Variants in CREB1 observed in about 807,000 individuals in gnomAD.
CREB1 encodes cAMP responsive element binding protein 1.
In CREB1, 2 loss-of-function variants were observed where a neutral mutation model predicts 42.0. The observed-to-expected ratio is 0.05, with a 90% CI of 0.02 to 0.15. CREB1 has a LOEUF of 0.15. CREB1 is among the 10% of genes least tolerant of loss of function. CREB1 has a pLI of 1.00. For synonymous variants in CREB1, 123 were observed against 139.9 expected (o/e 0.88, Z 0.85); for missense variants, 199 against 388.9 (o/e 0.51, Z 4.11).
At chr2:207,589,005 A>G (rs1057139390) in intron 7 of CREB1, among the ~76,000 whole-genome samples, 4 of 151,972 alleles carry the variant, frequency 2.6e-5, no homozygotes, top group South Asian at 2.1e-4. Context: ...CCTTATTGCA[A>G]TGTCTAGGAC....
intron 1 of CREB1, among the ~76,000 whole-genome samples, chr2:207,538,014 C>G (rs1001871592): frequency 6.6e-6 from 1 of 152,026 alleles, no homozygotes; most frequent in African/African-American, 2.4e-5. Context: ...ATACACATAG[C>G]CTGAAGGTAA....
Position 207,603,098 on chromosome 2 carries a change from ATAAC to A in CREB1, c.*6043_*6046del, listed in dbSNP as rs1169659140. 30 of 211,010 alleles carry A rather than the reference ATAAC, an allele frequency of 1.4e-4. No homozygotes were observed. The highest frequency in any genetic ancestry group is 2.1e-4 in the Non-Finnish European group (22 of 104,134). 13.1% of individuals were successfully genotyped at this position (211,010 alleles called of 1,614,324 possible). On this transcript the variant is annotated 3_prime_UTR_variant, in exon 8 of 8. Coordinates refer to ENST00000353267, the MANE Select transcript of CREB1 (RefSeq NM_004379.5). ...TCTATTGGAGTTGAATACTAAATAA[ATAAC>A]TATAATGAGGGAAATACATTTCTAA...
At chr2:207,584,494 C>T (rs2083463381) in intron 7 of CREB1, among the ~76,000 whole-genome samples, 1 of 152,158 alleles carries the variant, frequency 6.6e-6, no homozygotes, top group South Asian at 2.1e-4. Flanking sequence ...ACCTCTGCCT[C>T]CTGGGTTCAA....
intron 7 of CREB1, among the ~76,000 whole-genome samples, chr2:207,583,403 TGTTTAA>T (rs1417967504): frequency 1.3e-5 from 2 of 152,256 alleles, no homozygotes. Flanking sequence ...CTTATATGTT[TGTTTAA>T]ATCTACTATA....
Position 207,543,458 on chromosome 2 carries a change from C to T in CREB1, c.-8-12170C>T, listed in dbSNP as rs556824032. On this transcript the variant is annotated intron_variant, in intron 1 of 7. Coordinates refer to ENST00000353267, the MANE Select transcript of CREB1 (RefSeq NM_004379.5). ...TGAGTAGTCATTCCTTCATTTTTTA[C>T]AAATAAGCTGAGTCGTGGAGAATTT... is the stretch of plus-strand genomic sequence containing the variant. 3.3e-5 allele frequency among the ~76,000 whole-genome samples: 5 copies of T among 152,156 alleles called. No individual in the cohort carries two copies. The South Asian group carries it at 1.0e-3, about 32-fold the overall frequency.
chr2:207,592,002 T>C (rs1249493773), intron 7 of CREB1, among the ~76,000 whole-genome samples: 4 of 152,222 alleles, frequency 2.6e-5, no homozygotes, highest in African/African-American at 9.6e-5. Flanking sequence ...CCTCAAAAAC[T>C]CTTTTTTACA....
intron 5 of CREB1, among the ~76,000 whole-genome samples, chr2:207,571,064 AT>A (rs1203086321): frequency 6.1e-5 from 2 of 32,918 alleles, no homozygotes; most frequent in East Asian, 1.7e-3. Context: ...TCATTCAGTG[AT>A]TTTTTTCATT....
In CREB1 at chr2:207,560,392, T is replaced by C. The variant is rs1435903492; in HGVS notation, c.261+20T>C. On this transcript the variant is annotated intron_variant, in intron 3 of 7. Transcript: ENST00000353267. Reference sequence around the variant, plus strand: ...GTTCAGGTATGTGTATAAAAAGTTCTGCATCTATTTTAATAACTTTTGTTT... The same window carrying C: ...GTTCAGGTATGTGTATAAAAAGTTCCGCATCTATTTTAATAACTTTTGTTT... 6.3e-7 allele frequency: 1 copy of C among 1,599,208 alleles called. No homozygotes were observed. Among genetic ancestry groups the C allele is most frequent in the East Asian group, 2.2e-5 (1 of 44,694 alleles).
chr2:207,589,670 G>A (rs1194288381), intron 7 of CREB1, among the ~76,000 whole-genome samples: 2 of 152,090 alleles, frequency 1.3e-5, no homozygotes, highest in African/African-American at 4.8e-5. Flanking sequence ...ATCATAAATT[G>A]TTGTTTAATC....
intron 1 of CREB1, among the ~76,000 whole-genome samples, chr2:207,537,843 G>T (rs1436601377): frequency 5.9e-5 from 9 of 152,032 alleles, no homozygotes; most frequent in Non-Finnish European, 1.3e-4. Flanking sequence ...ATGAAGATAG[G>T]TTTTACAGGT....
intron 7 of CREB1, among the ~76,000 whole-genome samples, chr2:207,589,211 G>A (rs2084498771): frequency 1.3e-5 from 2 of 152,126 alleles, no homozygotes; most frequent in African/African-American, 4.8e-5. Flanking sequence ...CTAAAATGAA[G>A]GTGTCAGCAG....
intron 3 of CREB1, among the ~76,000 whole-genome samples, chr2:207,560,788 A>C (rs982936800): frequency 6.6e-6 from 1 of 152,238 alleles, no homozygotes; most frequent in Non-Finnish European, 1.5e-5. Context: ...ATTTGACCTT[A>C]GAGATTACAT....
intron 1 of CREB1, among the ~76,000 whole-genome samples, chr2:207,537,532 T>C (rs940778885): frequency 2.0e-5 from 3 of 152,216 alleles, no homozygotes; most frequent in African/African-American, 7.2e-5. Context: ...AAACTGATAA[T>C]GTGAACGTGG....
chr2:207,581,876 T>C (rs2083005379), intron 7 of CREB1: 2 of 702,882 alleles, frequency 2.8e-6, no homozygotes, highest in African/African-American at 3.5e-5. Flanking sequence ...TTTGATGGCC[T>C]TGTAACTTTT....
intron 5 of CREB1, among the ~76,000 whole-genome samples, chr2:207,571,500 A>T (rs1375265959): frequency 6.6e-6 from 1 of 152,194 alleles, no homozygotes; most frequent in East Asian, 1.9e-4. Context: ...AACTTTTGAG[A>T]CTAAGTAGAA....
At chr2:207,551,646 A>C (rs1044663201) in intron 1 of CREB1, among the ~76,000 whole-genome samples, 4 of 152,224 alleles carry the variant, frequency 2.6e-5, no homozygotes, top group African/African-American at 7.2e-5. Flanking sequence ...TATATGTATT[A>C]GTATATAGTA....
intron 4 of CREB1, among the ~76,000 whole-genome samples, chr2:207,569,458 CTTT>C (rs1021559186): frequency 6.6e-6 from 1 of 152,014 alleles, no homozygotes; most frequent in African/African-American, 2.4e-5. Context: ...TTTGTTAACA[CTTT>C]TTTGTTTCCC....
chr2:207,565,498 T>G (rs2082106147), intron 3 of CREB1, among the ~76,000 whole-genome samples: 1 of 152,056 alleles, frequency 6.6e-6, no homozygotes, highest in Non-Finnish European at 1.5e-5. Flanking sequence ...CTTTTTTTTT[T>G]TTTTCATTAA....
chr2:207,545,486 C>T (rs987264578), intron 1 of CREB1, among the ~76,000 whole-genome samples: 3 of 152,056 alleles, frequency 2.0e-5, no homozygotes, highest in Admixed American at 6.5e-5. Context: ...GGATTACAGA[C>T]GTGAGCCACT....
Sources: allele counts gnomAD v4.1 joint callset (sites outside exome capture counted in the v4.1 genomes callset), GRCh38; gene constraint gnomAD v4.1.1; transcripts MANE v1.5; gene names NCBI Gene and HGNC (gene_info 2026-07-23, HGNC 2026-07-21).